The following MDGA2 variants were observed in gnomAD, a reference collection of about 807,000 sequenced individuals.
MDGA2 encodes the protein MAM domain-containing glycosylphosphatidylinositol anchor protein 2.
MDGA2 carries 40 observed loss-of-function variants against 117.8 expected under a neutral mutation model. The observed-to-expected ratio is 0.34, with a 90% CI of 0.26 to 0.44. The LOEUF (loss-of-function observed/expected upper bound fraction) is 0.44, where lower values mean the gene tolerates loss of function less well. Among genes scored for constraint, MDGA2 ranks in the 20% least tolerant of loss-of-function variants. The pLI, the probability that MDGA2 is intolerant of heterozygous loss-of-function variation, is 1.00. For missense variants in MDGA2, 1,123 were observed against 1,250.6 expected (o/e 0.90, Z 1.54); for synonymous variants, 452 against 439.0 (o/e 1.03, Z -0.37).
intron 1 of MDGA2, among the ~76,000 whole-genome samples, chr14:47,336,479 G>C (rs1421305714): frequency 6.6e-6 from 1 of 151,936 alleles, no homozygotes; most frequent in Non-Finnish European, 1.5e-5. Flanking sequence ...ATTCTTTGAA[G>C]TTGGCATTAT....
chr14:47,276,946 A>C (rs1210432799), intron 2 of MDGA2, among the ~76,000 whole-genome samples: 1 of 152,170 alleles, frequency 6.6e-6, no homozygotes, highest in South Asian at 2.1e-4. Context: ...GTGGAGTACA[A>C]AGTCAGAAAT....
chr14:47,451,934 T>C (rs1340099667), intron 1 of MDGA2, among the ~76,000 whole-genome samples: 1 of 152,110 alleles, frequency 6.6e-6, no homozygotes. Context: ...TATCTTGTAC[T>C]GGTTTGAAGG....
At chr14:47,609,849 C>A (rs1018320778) in intron 1 of MDGA2, among the ~76,000 whole-genome samples, 2 of 151,738 alleles carry the variant, frequency 1.3e-5, no homozygotes, top group Admixed American at 1.3e-4. Flanking sequence ...CAGAGGGAAC[C>A]CTCCCTAATT....
At chr14:47,597,543 T>G (rs1220709592) in intron 1 of MDGA2, among the ~76,000 whole-genome samples, 1 of 152,106 alleles carries the variant, frequency 6.6e-6, no homozygotes, top group African/African-American at 2.4e-5. Context: ...TGTATTTTTA[T>G]ATCTCAGAAA....
At chr14:47,658,719 C>T (rs1462005430) in intron 1 of MDGA2, among the ~76,000 whole-genome samples, 2 of 152,214 alleles carry the variant, frequency 1.3e-5, no homozygotes, top group East Asian at 3.9e-4. Flanking sequence ...TTGCTCACAA[C>T]TGAGTTCCTC....
At chr14:46,997,832 TG>T (rs1887352602) in intron 8 of MDGA2, among the ~76,000 whole-genome samples, 1 of 152,174 alleles carries the variant, frequency 6.6e-6, no homozygotes, top group African/African-American at 2.4e-5. Flanking sequence ...ATAAAATGTT[TG>T]TTAAATTTAT....
At chr14:47,667,026 A>G (rs763046863) in intron 1 of MDGA2, among the ~76,000 whole-genome samples, 2 of 152,214 alleles carry the variant, frequency 1.3e-5, no homozygotes, top group Non-Finnish European at 2.9e-5. Flanking sequence ...CTCCGGACAC[A>G]CTGCCTTTAA....
chr14:47,181,950 GAATT>G (rs1329250320), intron 3 of MDGA2, among the ~76,000 whole-genome samples: 1 of 152,042 alleles, frequency 6.6e-6, no homozygotes, highest in African/African-American at 2.4e-5. Context: ...AGTTGAAACT[GAATT>G]ATTTCTTTGT....
At chr14:47,352,547 T>C (rs1268262097) in intron 1 of MDGA2, among the ~76,000 whole-genome samples, 1 of 152,212 alleles carries the variant, frequency 6.6e-6, no homozygotes, top group Non-Finnish European at 1.5e-5. Flanking sequence ...TCTCTTCACA[T>C]GGACGCAACT....
intron 8 of MDGA2, among the ~76,000 whole-genome samples, chr14:47,015,558 G>T (rs12894688): frequency 1.3e-5 from 2 of 151,916 alleles, no homozygotes; most frequent in Non-Finnish European, 2.9e-5. Context: ...ATGGAGAGTA[G>T]GTGTGGAAAA....
At chr14:47,577,813 C>T (rs141761540) in intron 1 of MDGA2, among the ~76,000 whole-genome samples, 4 of 152,312 alleles carry the variant, frequency 2.6e-5, no homozygotes, top group African/African-American at 9.6e-5. Flanking sequence ...TGCTTTAATT[C>T]TGTTGGTAGG....
At chr14:47,254,385 C>G (rs1258479588) in intron 2 of MDGA2, among the ~76,000 whole-genome samples, 1 of 152,202 alleles carries the variant, frequency 6.6e-6, no homozygotes, top group Non-Finnish European at 1.5e-5. Context: ...TCATCTCACT[C>G]ACACTCAAAG....
intron 2 of MDGA2, among the ~76,000 whole-genome samples, chr14:47,247,281 T>C (rs1357220412): frequency 1.3e-5 from 2 of 149,648 alleles, no homozygotes; most frequent in African/African-American, 2.5e-5. Flanking sequence ...GGTGTGTATA[T>C]CCCATAGTGC....
chr14:46,937,214 A>ACC (rs547110199), intron 9 of MDGA2, among the ~76,000 whole-genome samples: 13 of 141,938 alleles, frequency 9.2e-5, no homozygotes, highest in African/African-American at 3.4e-4. Flanking sequence ...CTCCCCCGAC[A>ACC]CCCCCCCCAA....
At chr14:47,281,414 T>C (rs1888485412) in intron 2 of MDGA2, among the ~76,000 whole-genome samples, 1 of 152,218 alleles carries the variant, frequency 6.6e-6, no homozygotes, top group Non-Finnish European at 1.5e-5. Flanking sequence ...TTCCAGAATT[T>C]GTAATTCATT....
rs1047229156 is a variant in MDGA2 at position 46,957,621 on chromosome 14, T to C, written c.1842A>G (p.Ala614=). The C allele has an allele frequency of 3.1e-6, 5 of 1,614,012 alleles. No individual in the cohort carries two copies. The highest frequency in any genetic ancestry group is 2.2e-5 in the South Asian group (2 of 91,090). ...CCTGTCCTTGCCGGATTTCCAAGAA[T>C]GCTGGTTCCACTGCAGGGGGATCTG... ...IVQYPPAVEP[A]FLEIRQGQDR... The change falls in exon 9 of 17, where the codon GCA becomes GCG. Residue 614 remains alanine (A), a synonymous_variant. Coordinates refer to ENST00000399232, the MANE Select transcript of MDGA2 (RefSeq NM_001113498.3).
intron 1 of MDGA2, among the ~76,000 whole-genome samples, chr14:47,585,981 T>C (rs553246831): frequency 6.6e-6 from 1 of 152,044 alleles, no homozygotes; most frequent in African/African-American, 2.4e-5. Flanking sequence ...GGAGGAGAAG[T>C]AACTACAACT....
intron 1 of MDGA2, among the ~76,000 whole-genome samples, chr14:47,647,780 A>G (rs1383313199): frequency 6.6e-6 from 1 of 152,144 alleles, no homozygotes; most frequent in Non-Finnish European, 1.5e-5. Context: ...TAAACATGCA[A>G]TATAAAACAT....
intron 9 of MDGA2, among the ~76,000 whole-genome samples, chr14:46,938,540 C>CAAAAAAAAAAAA (rs71112472): frequency 1.9e-3 from 50 of 26,988 alleles, no homozygotes; most frequent in African/African-American, 3.3e-3. Context: ...AAATCCATCT[C>CAAAAAAAAAAAA]AAAAAAAAAA....
Sources: gnomAD v4.1 joint callset for allele counts (sites outside exome capture counted in the v4.1 genomes callset) on GRCh38, gnomAD v4.1.1 for gene constraint, MANE v1.5 for transcripts, NCBI Gene and HGNC (gene_info 2026-07-23, HGNC 2026-07-21) for gene names.